The following PITPNM2 variants were observed in gnomAD, a reference collection of about 807,000 sequenced individuals.
PITPNM2 encodes phosphatidylinositol transfer protein membrane associated 2.
PITPNM2 carries 35 observed loss-of-function variants against 132.2 expected under a neutral mutation model. The ratio of observed to expected loss-of-function variants is 0.26; its 90% CI spans 0.20 to 0.35. The LOEUF (loss-of-function observed/expected upper bound fraction) is 0.35. PITPNM2 is among the 10% of genes least tolerant of loss of function. The pLI is 1.00. For missense variants in PITPNM2, 1,332 were observed against 1,912.0 expected, an observed-to-expected ratio of 0.70 and a Z score of 5.66; for synonymous variants, 738 against 799.2, an observed-to-expected ratio of 0.92 and a Z score of 1.29.
intron 3 of PITPNM2, among the ~76,000 whole-genome samples, chr12:123,033,132 T>C (rs538163398): frequency 3.1e-4 from 47 of 152,278 alleles, no homozygotes; most frequent in African/African-American, 1.1e-3. Context: ...ATGCTGTAAT[T>C]AAGGGGTTGT....
intron 3 of PITPNM2, among the ~76,000 whole-genome samples, chr12:123,026,459 A>G (rs1372810353): frequency 6.6e-6 from 1 of 152,254 alleles, no homozygotes; most frequent in Non-Finnish European, 1.5e-5. Flanking sequence ...CTATTGTTTC[A>G]AGCTATGCAG....
At chr12:123,060,966 A>G (rs2041216091) in intron 2 of PITPNM2, among the ~76,000 whole-genome samples, 1 of 152,164 alleles carries the variant, frequency 6.6e-6, no homozygotes, top group Non-Finnish European at 1.5e-5. Context: ...GCATCTACCC[A>G]TGCATCCCTT....
chr12:123,114,562 C>A (rs1250524556), intron 1 of PITPNM2, among the ~76,000 whole-genome samples: 2 of 151,210 alleles, frequency 1.3e-5, no homozygotes, highest in Non-Finnish European at 2.9e-5. Context: ...CCAGTGTGCC[C>A]CTTGGAAAGC....
Position 122,986,627 on chromosome 12 carries a change from C to A in PITPNM2, c.3597+19G>T, listed in dbSNP as rs768483366. The A allele has an allele frequency of 3.1e-6, 5 of 1,608,994 alleles. No homozygotes were observed. The highest frequency in any genetic ancestry group is 4.2e-6 in the Non-Finnish European group (5 of 1,176,836). ...CCTCTGCCCCCACCCCTGCCCTGCCCCATCCTCCCGGGCCCCACCTCGGAG... is the reference window on the plus strand; with the variant it reads ...CCTCTGCCCCCACCCCTGCCCTGCCACATCCTCCCGGGCCCCACCTCGGAG... On this transcript the variant is annotated intron_variant, in intron 24 of 25. Coordinates refer to ENST00000320201, the MANE Select transcript of PITPNM2 (RefSeq NM_020845.3).
Position 122,987,836 on chromosome 12 carries a change from C to A in PITPNM2, c.3063G>T (p.Thr1021=). The change falls in exon 21 of 26, where the codon ACG becomes ACT. Residue 1021 remains threonine, a synonymous_variant. Transcript: ENST00000320201. ...CCAGGGGCCCATACATGAACCTGCC[C>A]GTCAGAACCTGGGGGCCGTCCTCAT... ...LANEDGPQVL[T]GRFMYGPLDM... The A allele has an allele frequency of 6.2e-7, 1 of 1,613,958 alleles. No individual in the cohort carries two copies. The highest frequency in any genetic ancestry group is 8.5e-7 in the Non-Finnish European group (1 of 1,179,998).
At position 122,988,297 on chromosome 12, in the gene PITPNM2, C is replaced by A. The variant is rs144645393; in HGVS notation, c.2934G>T (p.Ser978=). The change falls in exon 20 of 26, where the codon TCG becomes TCT. Residue 978 remains serine, a synonymous_variant. Coordinates refer to ENST00000320201, the MANE Select transcript of PITPNM2 (RefSeq NM_020845.3). ...SILELDGKEV[S]VFTPSKPREK... ...CCCTTGGCTTTGAGGGGGTGAACAC[C>A]GACACTTCCTTGCCATCCAGCTCCA... The A allele has an allele frequency of 6.2e-7, 1 of 1,613,390 alleles. No individual in the cohort carries two copies. The highest frequency in any genetic ancestry group is 2.2e-5 in the East Asian group (1 of 44,860).
At chr12:123,119,594 G>A (rs1041376596) in intron 1 of PITPNM2, among the ~76,000 whole-genome samples, 1 of 151,652 alleles carries the variant, frequency 6.6e-6, no homozygotes, top group Non-Finnish European at 1.5e-5. Context: ...TCCTGACCTC[G>A]TGATCCGCCC....
intron 1 of PITPNM2, among the ~76,000 whole-genome samples, chr12:123,139,404 G>A (rs2043452742): frequency 6.6e-6 from 1 of 151,950 alleles, no homozygotes; most frequent in East Asian, 1.9e-4. Flanking sequence ...AGGAGGCTGA[G>A]GCAGAAGAAT....
intron 1 of PITPNM2, among the ~76,000 whole-genome samples, chr12:123,148,608 C>A (rs1325312996): frequency 6.6e-6 from 1 of 152,004 alleles, no homozygotes; most frequent in African/African-American, 2.4e-5. Flanking sequence ...AGGAAGGCAA[C>A]GGGTCCCCAT....
At chr12:123,079,505 C>T (rs951587733) in intron 2 of PITPNM2, among the ~76,000 whole-genome samples, 3 of 151,778 alleles carry the variant, frequency 2.0e-5, no homozygotes, top group Admixed American at 6.6e-5. Context: ...CACCACCACA[C>T]CCAGCTAATT....
At chr12:122,996,013 C>G (rs1240297624) in intron 13 of PITPNM2, among the ~76,000 whole-genome samples, 1 of 152,228 alleles carries the variant, frequency 6.6e-6, no homozygotes, top group Non-Finnish European at 1.5e-5. Flanking sequence ...GCAGCTGCTC[C>G]CCTGCCCCCA....
In PITPNM2 at chr12:123,058,415, G is replaced by T. The variant is rs2041115266; in HGVS notation, c.-95-23730C>A. ...AATTGGCCTCTATGTTTCCAGTTTG[G>T]TTCCTCTGAAATCCTCCTTCTAGAA... is the stretch of plus-strand genomic sequence containing the variant. On this transcript the variant is annotated intron_variant, in intron 2 of 25. Transcript: ENST00000320201. This position sits in a 1 kb window ranked among gnomAD's most constrained non-coding sequence, Gnocchi z 4.0. Among the ~76,000 whole-genome samples, 1 of 152,140 alleles carries T rather than the reference G, an allele frequency of 6.6e-6. No individual in the cohort carries two copies. The highest frequency in any genetic ancestry group is 1.5e-5 in the Non-Finnish European group (1 of 68,022).
At chr12:122,997,292 C>G (rs369378979) in intron 11 of PITPNM2, 33 bp downstream of exon 11, 4 of 1,610,636 alleles carry the variant, frequency 2.5e-6, no homozygotes, top group African/African-American at 1.3e-5. Flanking sequence ...AGTGCACTGC[C>G]GGAGGCTGCA....
At position 123,150,618 on chromosome 12, in the gene PITPNM2, C is replaced by T. The variant is rs994494314; in HGVS notation, c.-200+135G>A. 6.7e-6 allele frequency among the ~76,000 whole-genome samples: 1 copy of T among 148,510 alleles called. No homozygotes were observed. Among genetic ancestry groups the T allele is most frequent in the African/African-American group, 2.5e-5 (1 of 40,380 alleles). ...CTCCGCTCCCTCCTCCAGCCCCCGG[C>T]GGGCTGGAGGCTCGGCGGGCGGGCG... is the stretch of plus-strand genomic sequence containing the variant. On this transcript the variant is annotated intron_variant, in intron 1 of 25. Transcript: ENST00000320201. This position sits in a 1 kb window ranked among gnomAD's most constrained non-coding sequence, Gnocchi z 6.0.
rs953672418 is a variant in PITPNM2, at chr12:123,007,277, C to T, written c.644-1729G>A. 2.7e-5 allele frequency: 12 copies of T among 451,210 alleles called. No individual in the cohort carries two copies. In the East Asian group the frequency reaches 2.8e-4, roughly 10 times the overall value. The allele number at this position is 451,210 out of a possible 1,614,324, so 28.0% of individuals were successfully genotyped here. ...CATCAAGCTGGGATTGTGTGGCATC[C>T]GTGTGTGTGTGAAATGCCACATTTC... On this transcript the variant is annotated intron_variant, in intron 6 of 25. Coordinates refer to ENST00000320201, the MANE Select transcript of PITPNM2 (RefSeq NM_020845.3).
intron 2 of PITPNM2, among the ~76,000 whole-genome samples, chr12:123,065,967 C>T (rs145239904): frequency 8.5e-4 from 130 of 152,344 alleles, no homozygotes; most frequent in African/African-American, 3.1e-3. Context: ...CTGCTGGAGA[C>T]GTGGGGCAGA....
chr12:123,045,406 T>C (rs2040620600), intron 2 of PITPNM2, among the ~76,000 whole-genome samples: 1 of 152,206 alleles, frequency 6.6e-6, no homozygotes. Flanking sequence ...ACAAATGACC[T>C]CCATGTGGCT....
chr12:123,112,810 T>TA, intron 1 of PITPNM2, among the ~76,000 whole-genome samples: 1 of 152,170 alleles, frequency 6.6e-6, no homozygotes, highest in Non-Finnish European at 1.5e-5. Context: ...AGTGCAGGGA[T>TA]TACAGGCGTG....
chr12:123,023,807 T>C lies in PITPNM2; in HGVS notation c.79-9765A>G, dbSNP rs2039757790. Among the ~76,000 whole-genome samples the C allele has an allele frequency of 6.6e-6, 1 of 152,104 alleles. No individual in the cohort carries two copies. The highest frequency in any genetic ancestry group is 2.4e-5 in the African/African-American group (1 of 41,412). On this transcript the variant is annotated intron_variant, in intron 3 of 25. Coordinates refer to ENST00000320201, the MANE Select transcript of PITPNM2 (RefSeq NM_020845.3). The surrounding 1 kb of genome is among the most constrained non-coding windows in gnomAD (Gnocchi z 4.8). Reference sequence around the variant, plus strand: ...TGGACCTCATCAAAATTAACAACTTTTATGCTTCAAAGGACACTAAAAAGA... The same window carrying C: ...TGGACCTCATCAAAATTAACAACTTCTATGCTTCAAAGGACACTAAAAAGA...
Sources: gnomAD v4.1 joint callset for allele counts (sites outside exome capture counted in the v4.1 genomes callset) on GRCh38, gnomAD v4.1.1 for gene constraint, Gnocchi (gnomAD v3.1) non-coding constraint, MANE v1.5 for transcripts, NCBI Gene and HGNC (gene_info 2026-07-23, HGNC 2026-07-21) for gene names.